CCDC149: variants seen among roughly 807,000 people sequenced by gnomAD.
The protein encoded by CCDC149 is coiled-coil domain-containing protein 149.
Under a neutral mutation model 59.9 loss-of-function variants are expected in CCDC149, and 45 were observed. The observed-to-expected ratio is 0.75, with a 90% CI of 0.59 to 0.96. The LOEUF (loss-of-function observed/expected upper bound fraction) is 0.96, where lower values mean the gene tolerates loss of function less well. CCDC149 is among the 40% of genes least tolerant of loss of function. The pLI is 0.00. For missense variants in CCDC149, 584 were observed against 664.7 expected (o/e 0.88, Z 1.33); for synonymous variants, 245 against 260.6 (o/e 0.94, Z 0.58).
intron 1 of CCDC149, among the ~76,000 whole-genome samples, chr4:24,908,564 G>C (rs1394334980): frequency 6.6e-6 from 1 of 152,030 alleles, no homozygotes; most frequent in Non-Finnish European, 1.5e-5. Context: ...GCTGGGCATG[G>C]TGGCACGTGC....
chr4:24,834,939 A>G lies in CCDC149; in HGVS notation c.820+9T>C. 1 of 1,601,250 alleles carries G rather than the reference A, an allele frequency of 6.2e-7. No individual in the cohort carries two copies. Among genetic ancestry groups the G allele is most frequent in the Non-Finnish European group, 8.6e-7 (1 of 1,168,786 alleles). On this transcript the variant is annotated intron_variant, in intron 8 of 12. Coordinates refer to ENST00000635206, the MANE Select transcript of CCDC149 (RefSeq NM_001330643.2). ...CATGAGCGGTCTCTCCTGGAGCATG[A>G]TATCCTACCTTGCTTTGCAGACAGG...
At chr4:24,884,236 T>C (rs1292791884) in intron 1 of CCDC149, among the ~76,000 whole-genome samples, 1 of 152,246 alleles carries the variant, frequency 6.6e-6, no homozygotes, top group Non-Finnish European at 1.5e-5. Context: ...GCACCTTTTC[T>C]ATATTTAGAT....
chr4:24,852,287 TACACACACAC>T lies in CCDC149; in HGVS notation c.372+775_372+784del, dbSNP rs768071017. ...AGAACTGCTCCCCTCCAACACACCA[TACACACACAC>T]ACACACACACACACACACACACACA... On this transcript the variant is annotated intron_variant, in intron 4 of 12. Transcript: ENST00000635206. Among the ~76,000 whole-genome samples the T allele has an allele frequency of 3.3e-3, 406 of 121,352 alleles. 4 individuals carry two copies. Among genetic ancestry groups the T allele is most frequent in the African/African-American group, 0.011 (343 of 30,476 alleles). 79.6% of individuals were successfully genotyped at this position (121,352 alleles called of 152,430 possible).
chr4:24,950,070 C>A (rs576252357), intron 1 of CCDC149, among the ~76,000 whole-genome samples: 20 of 152,310 alleles, frequency 1.3e-4, no homozygotes, highest in South Asian at 6.2e-4. Context: ...GGGGTCACCC[C>A]TGACCTGGAA....
chr4:24,859,639 T>C (rs774225365), intron 3 of CCDC149, among the ~76,000 whole-genome samples: 8 of 152,110 alleles, frequency 5.3e-5, no homozygotes, highest in East Asian at 3.9e-4. Context: ...TCCAAATCAG[T>C]AAGGAGGAAG....
At chr4:24,894,233 A>C (rs1022117770) in intron 1 of CCDC149, among the ~76,000 whole-genome samples, 1 of 152,194 alleles carries the variant, frequency 6.6e-6, no homozygotes, top group African/African-American at 2.4e-5. Flanking sequence ...AAAAATCTTC[A>C]TGTGGTGGCT....
At chr4:24,847,564 T>C (rs1717383193) in intron 4 of CCDC149, among the ~76,000 whole-genome samples, 1 of 152,202 alleles carries the variant, frequency 6.6e-6, no homozygotes, top group Non-Finnish European at 1.5e-5. Flanking sequence ...AGAAAGTTAA[T>C]TAGCATGTAG....
chr4:24,965,254 T>C (rs1176098214), intron 1 of CCDC149, among the ~76,000 whole-genome samples: 1 of 151,258 alleles, frequency 6.6e-6, no homozygotes, highest in East Asian at 1.9e-4. Flanking sequence ...TGTTAATTAG[T>C]GTACGTAGAG....
At chr4:24,852,077 A>G (rs1717693859) in intron 4 of CCDC149, among the ~76,000 whole-genome samples, 1 of 151,822 alleles carries the variant, frequency 6.6e-6, no homozygotes, top group Non-Finnish European at 1.5e-5. Flanking sequence ...AGCCAGCAGT[A>G]TGCAGCATCC....
chr4:24,927,902 G>T (rs1434283021), intron 1 of CCDC149, among the ~76,000 whole-genome samples: 1 of 151,344 alleles, frequency 6.6e-6, no homozygotes, highest in African/African-American at 2.4e-5. Flanking sequence ...GCACATCCAT[G>T]AAATCTAAGT....
intron 4 of CCDC149, among the ~76,000 whole-genome samples, chr4:24,845,261 C>T (rs1426691821): frequency 6.6e-6 from 1 of 152,222 alleles, no homozygotes; most frequent in African/African-American, 2.4e-5. Flanking sequence ...ACTTCACACC[C>T]CATGTCCCTA....
At chr4:24,934,742 C>G (rs1722691169) in intron 1 of CCDC149, among the ~76,000 whole-genome samples, 1 of 152,172 alleles carries the variant, frequency 6.6e-6, no homozygotes, top group African/African-American at 2.4e-5. Context: ...ACACTCTAGA[C>G]AGAGGGAACC....
intron 3 of CCDC149, among the ~76,000 whole-genome samples, chr4:24,860,658 A>C (rs1718318016): frequency 6.6e-6 from 1 of 152,202 alleles, no homozygotes; most frequent in African/African-American, 2.4e-5. Flanking sequence ...TAAACAGACA[A>C]CCCACAGAGT....
chr4:24,952,757 A>G lies in CCDC149; in HGVS notation c.-65+27312T>C, dbSNP rs1205391000. 4.0e-5 allele frequency among the ~76,000 whole-genome samples: 6 copies of G among 150,280 alleles called. No homozygotes were observed. The South Asian group carries it at 1.3e-3, about 32-fold the overall frequency. The stretch of plus-strand genomic sequence containing the variant: ...TTAAGTACATTCACGTTGTGCAACC[A>G]CCACCACCATCCGTCATCGGAACTC... On this transcript the variant is annotated intron_variant, in intron 1 of 12. Transcript: ENST00000389609.
At chr4:24,853,804 C>A (rs550988455) in intron 3 of CCDC149, among the ~76,000 whole-genome samples, 1 of 152,128 alleles carries the variant, frequency 6.6e-6, no homozygotes, top group South Asian at 2.1e-4. Flanking sequence ...TTCTAGGGGG[C>A]GGCCAGAGAA....
intron 12 of CCDC149, among the ~76,000 whole-genome samples, chr4:24,813,852 G>C (rs1288481539): frequency 1.3e-5 from 2 of 152,106 alleles, no homozygotes; most frequent in African/African-American, 2.4e-5. Context: ...AGACTAAAAT[G>C]AAACTACCAA....
chr4:24,823,334 T>C (rs1409707939), intron 9 of CCDC149, among the ~76,000 whole-genome samples: 1 of 152,212 alleles, frequency 6.6e-6, no homozygotes, highest in Non-Finnish European at 1.5e-5. Context: ...TACTGTTTAC[T>C]TGGAAGCCAA....
At chr4:24,927,928 G>C (rs776409537) in intron 1 of CCDC149, among the ~76,000 whole-genome samples, 6 of 151,116 alleles carry the variant, frequency 4.0e-5, no homozygotes, top group Non-Finnish European at 7.4e-5. Context: ...TCTTCCTTTT[G>C]CCCCATGAAT....
chr4:24,857,795 C>T (rs1718117050), intron 3 of CCDC149, among the ~76,000 whole-genome samples: 2 of 152,180 alleles, frequency 1.3e-5, no homozygotes, highest in African/African-American at 2.4e-5. Context: ...TGTAAATCTA[C>T]CCCAGCTTTA....
Sources: gnomAD v4.1 joint callset for allele counts (sites outside exome capture counted in the v4.1 genomes callset) on GRCh38, gnomAD v4.1.1 for gene constraint, MANE v1.5 for transcripts, NCBI Gene and HGNC (gene_info 2026-07-23, HGNC 2026-07-21) for gene names.